The following VGLL4 variants were observed in gnomAD, a reference collection of about 807,000 sequenced individuals.
VGLL4 encodes the protein vestigial like family member 4, also known as transcription cofactor vestigial-like protein 4.
A neutral mutation model predicts 21.0 loss-of-function variants in VGLL4; 7 were observed. The observed-to-expected ratio is 0.33, with a 90% CI of 0.19 to 0.63. VGLL4 has a LOEUF of 0.63. VGLL4 is among the 20% of genes least tolerant of loss of function. The pLI is 0.78. For missense variants in VGLL4, 394 were observed against 425.7 expected (o/e 0.93, Z 0.66); for synonymous variants, 222 against 173.2 (o/e 1.28, Z -2.21).
chr3:11,619,634 C>T (rs905228727), intron 1 of VGLL4, among the ~76,000 whole-genome samples: 3 of 152,118 alleles, frequency 2.0e-5, no homozygotes, highest in African/African-American at 4.8e-5. Context: ...GGGGTTAGAG[C>T]TGGTCTAGAG....
At chr3:11,675,533 T>C (rs904968132) in intron 2 of VGLL4, among the ~76,000 whole-genome samples, 18 of 152,072 alleles carry the variant, frequency 1.2e-4, no homozygotes, top group African/African-American at 4.3e-4. Flanking sequence ...TAAAATGTTT[T>C]ACACAAATGT....
chr3:11,558,734 G>T lies in VGLL4; in HGVS notation c.713C>A (p.Ser238Tyr). ...KEPEPAPNSV[S>Y]ITGSVDDHFA... The stretch of plus-strand genomic sequence containing the variant: ...GTGGTCGTCCACGGAGCCCGTGATG[G>T]ACACGGAGTTGGGTGCCGGCTCGGG... The change falls in exon 5 of 5, where the codon TCC (serine) becomes TAC (tyrosine). Residue 238 changes from serine to tyrosine, a missense_variant. Transcript: ENST00000430365. 5 of 1,614,210 alleles carry T rather than the reference G, an allele frequency of 3.1e-6. No homozygotes were observed. The highest frequency in any genetic ancestry group is 4.2e-6 in the Non-Finnish European group (5 of 1,180,046).
chr3:11,564,584 G>A (rs1054286544), intron 3 of VGLL4, among the ~76,000 whole-genome samples: 1 of 150,084 alleles, frequency 6.7e-6, no homozygotes, highest in African/African-American at 2.5e-5. Flanking sequence ...GGGCAGGTCT[G>A]GGCAGGAAGT....
chr3:11,573,391 G>A (rs562660411), intron 2 of VGLL4, among the ~76,000 whole-genome samples: 1 of 148,328 alleles, frequency 6.7e-6, no homozygotes, highest in South Asian at 2.2e-4. Flanking sequence ...AAGAAAGAAA[G>A]AAAGAAAATG....
chr3:11,718,030 T>C (rs1485806104), intron 1 of VGLL4, among the ~76,000 whole-genome samples: 2 of 152,214 alleles, frequency 1.3e-5, no homozygotes, highest in Non-Finnish European at 2.9e-5. Context: ...ATGTAGTCCA[T>C]AGTTATTTAT....
intron 1 of VGLL4, among the ~76,000 whole-genome samples, chr3:11,620,002 G>A (rs1346820118): frequency 2.6e-5 from 4 of 151,984 alleles, no homozygotes; most frequent in Admixed American, 2.0e-4. Flanking sequence ...ATTGTTAGTG[G>A]TGGCAGCACC....
In VGLL4 at chr3:11,557,120, C is replaced by T. The variant is rs2072503393; in HGVS notation, c.*1436G>A. The T allele has an allele frequency of 6.6e-6, 1 of 152,526 alleles. No individual in the cohort carries two copies. The highest frequency in any genetic ancestry group is 2.1e-4 in the South Asian group (1 of 4,824). 9.4% of individuals were successfully genotyped at this position (152,526 alleles called of 1,614,324 possible). ...CTGGTGGGCCAGGTGGGACACAGCA[C>T]ACCCCAGGGGGAGGGGATAGAAACG... On this transcript the variant is annotated 3_prime_UTR_variant, in exon 5 of 5. Transcript: ENST00000430365.
At chr3:11,683,227 T>C (rs1352457424) in intron 2 of VGLL4, among the ~76,000 whole-genome samples, 1 of 151,676 alleles carries the variant, frequency 6.6e-6, no homozygotes, top group Non-Finnish European at 1.5e-5. Context: ...ACAAACCACA[T>C]GAGATATGAC....
intron 2 of VGLL4, among the ~76,000 whole-genome samples, chr3:11,693,516 G>A (rs2125395354): frequency 6.6e-6 from 1 of 152,314 alleles, no homozygotes; most frequent in East Asian, 1.9e-4. Context: ...TCCCTTCTAT[G>A]TTGCCTCTGG....
At chr3:11,644,217 A>G (rs1012274106), upstream of VGLL4, among the ~76,000 whole-genome samples, 2 of 152,212 alleles carry the variant, frequency 1.3e-5, no homozygotes, top group Non-Finnish European at 2.9e-5. Flanking sequence ...GCAAACTCCC[A>G]TGGAATGCAA....
chr3:11,610,227 G>A (rs922444863), intron 1 of VGLL4: 2 of 152,218 alleles, frequency 1.3e-5, no homozygotes, highest in African/African-American at 4.8e-5. Flanking sequence ...GTGCAGGGCA[G>A]AAGCCCCCGG....
intron 1 of VGLL4, among the ~76,000 whole-genome samples, chr3:11,604,056 A>G (rs2074870269): frequency 6.6e-6 from 1 of 152,160 alleles, no homozygotes; most frequent in Admixed American, 6.5e-5. Context: ...AAAAAATTCC[A>G]CAAGAATCCT....
chr3:11,600,917 C>G (rs2074778759), intron 2 of VGLL4, among the ~76,000 whole-genome samples: 2 of 152,202 alleles, frequency 1.3e-5, no homozygotes, highest in Non-Finnish European at 2.9e-5. Context: ...CTCCAATACT[C>G]AGTGCAACCT....
intron 2 of VGLL4, among the ~76,000 whole-genome samples, chr3:11,665,284 T>C (rs2076103717): frequency 6.6e-6 from 1 of 151,806 alleles, no homozygotes; most frequent in African/African-American, 2.4e-5. Context: ...TGGCTAATTT[T>C]TTGTATTTTT....
At chr3:11,706,788 G>A (rs1373740386) in intron 1 of VGLL4, among the ~76,000 whole-genome samples, 1 of 152,046 alleles carries the variant, frequency 6.6e-6, no homozygotes, top group Non-Finnish European at 1.5e-5. Flanking sequence ...TCTGAGAAAA[G>A]GCACAGGGGC....
chr3:11,656,134 G>T (rs955627046), intron 2 of VGLL4, among the ~76,000 whole-genome samples: 3 of 152,192 alleles, frequency 2.0e-5, no homozygotes, highest in Admixed American at 1.3e-4. Context: ...GAAGCACATG[G>T]TCTATTGCCA....
chr3:11,625,911 T>C (rs993679683), intron 1 of VGLL4, among the ~76,000 whole-genome samples: 1 of 151,848 alleles, frequency 6.6e-6, no homozygotes, highest in Non-Finnish European at 1.5e-5. Context: ...GAATGGAGAG[T>C]GAAACGGGTC....
At chr3:11,614,854 GA>G (rs2075131803) in intron 1 of VGLL4, among the ~76,000 whole-genome samples, 1 of 152,158 alleles carries the variant, frequency 6.6e-6, no homozygotes, top group South Asian at 2.1e-4. Context: ...CCTTACTGCT[GA>G]AACAGCTACA....
intron 2 of VGLL4, among the ~76,000 whole-genome samples, chr3:11,691,529 G>A (rs957394087): frequency 2.6e-5 from 4 of 152,126 alleles, no homozygotes; most frequent in African/African-American, 7.2e-5. Context: ...AGCTCCCAAC[G>A]TGATGCCTGG....
Sources: gnomAD v4.1 joint callset for allele counts (sites outside exome capture counted in the v4.1 genomes callset) on GRCh38, gnomAD v4.1.1 for gene constraint, MANE v1.5 for transcripts, NCBI Gene and HGNC (gene_info 2026-07-23, HGNC 2026-07-21) for gene names.